The following IL20RB variants were observed in gnomAD, a reference collection of about 807,000 sequenced individuals.
The protein encoded by IL20RB is interleukin 20 receptor subunit beta.
In IL20RB, 21 loss-of-function variants were observed where a neutral mutation model predicts 33.3. That is an observed-to-expected ratio of 0.63 (90% CI 0.45 to 0.91). The LOEUF (loss-of-function observed/expected upper bound fraction) is 0.91. Among genes scored for constraint, IL20RB ranks in the 40% least tolerant of loss-of-function variants. IL20RB has a pLI of 0.00. For synonymous variants in IL20RB, 147 were observed against 146.8 expected, an observed-to-expected ratio of 1.00 and a Z score of -0.01; for missense variants, 345 against 384.8, an observed-to-expected ratio of 0.90 and a Z score of 0.86.
At chr3:136,986,433 G>A (rs1941900698) in intron 3 of IL20RB, among the ~76,000 whole-genome samples, 1 of 152,126 alleles carries the variant, frequency 6.6e-6, no homozygotes. Context: ...ATGGAGATCA[G>A]AAGACCCAAT....
intron 3 of IL20RB, 146 bp from the exon 4 acceptor site, chr3:136,989,295 A>C (rs939555516): frequency 1.2e-6 from 1 of 833,376 alleles, no homozygotes; most frequent in African/African-American, 1.7e-5. Context: ...ATTTGTGTAC[A>C]TGTTTCCATG....
Position 136,982,946 on chromosome 3 carries a change from G to A in IL20RB, c.406+596G>A, listed in dbSNP as rs1457259953. Among the ~76,000 whole-genome samples, 3 of 152,242 alleles carry A rather than the reference G, an allele frequency of 2.0e-5. No homozygotes were observed. In the East Asian group the frequency reaches 5.8e-4, roughly 29 times the overall value. ...CACTGGTCATTGTATAAAAGGACAT[G>A]TGTGTTTGCGGAACAGGAGAGGCAA... On this transcript the variant is annotated intron_variant, in intron 3 of 6. Transcript: ENST00000329582.
chr3:137,008,147 G>GGTA (rs1932981765), intron 6 of IL20RB, among the ~76,000 whole-genome samples: 1 of 152,100 alleles, frequency 6.6e-6, no homozygotes. Flanking sequence ...CTGTAATGTA[G>GGTA]GTAGCAAGCA....
chr3:137,001,449 C>T (rs1942240722), intron 6 of IL20RB, among the ~76,000 whole-genome samples: 1 of 152,214 alleles, frequency 6.6e-6, no homozygotes, highest in Admixed American at 6.5e-5. Flanking sequence ...ATACTGCCAC[C>T]TCCCCTCTCT....
intron 3 of IL20RB, 92 bp from the exon 4 acceptor site, chr3:136,989,349 G>T: frequency 6.8e-7 from 1 of 1,469,608 alleles, no homozygotes; most frequent in East Asian, 2.3e-5. Flanking sequence ...TACGGAGACG[G>T]ACATATTTCC....
In IL20RB at chr3:136,997,960, G is replaced by A. The variant is rs1449097949; in HGVS notation, c.825+2404G>A. The stretch of plus-strand genomic sequence containing the variant: ...TAATTTTTGTATTTTAGTAGAGACA[G>A]GGTTTCACCATATTGATCAGGCTGG... On this transcript the variant is annotated intron_variant, in intron 6 of 6. Coordinates refer to ENST00000329582, the MANE Select transcript of IL20RB (RefSeq NM_144717.4). Among the ~76,000 whole-genome samples, 7 of 151,994 alleles carry A rather than the reference G, an allele frequency of 4.6e-5. No individual in the cohort carries two copies. In the East Asian group the frequency reaches 1.4e-3, roughly 29 times the overall value.
intron 6 of IL20RB, among the ~76,000 whole-genome samples, chr3:137,008,079 G>A (rs1298154791): frequency 1.3e-5 from 2 of 152,148 alleles, no homozygotes; most frequent in East Asian, 1.9e-4. Context: ...GTGCTGAAGG[G>A]TCTCAGTTTC....
chr3:136,978,647 G>A (rs1941687767), intron 1 of IL20RB, among the ~76,000 whole-genome samples: 1 of 152,150 alleles, frequency 6.6e-6, no homozygotes, highest in African/African-American at 2.4e-5. Flanking sequence ...ATGGTATATA[G>A]TTCTTTTTGT....
chr3:136,991,583 C>T (rs1942031082), intron 4 of IL20RB, among the ~76,000 whole-genome samples: 1 of 152,176 alleles, frequency 6.6e-6, no homozygotes, highest in Non-Finnish European at 1.5e-5. Flanking sequence ...TCCAGTCCTG[C>T]TGCCTTCTGG....
In IL20RB at chr3:136,982,311, G is replaced by T; in HGVS notation, c.367G>T (p.Ala123Ser). ...GGCCACATTGGGCTCACAGACCTCA[G>T]CCTGGAGCATCCTGAAGCATCCCTT... ...VRATLGSQTS[A>S]WSILKHPFNR... Residue 123 changes from alanine to serine, a missense_variant, in exon 3 of 7, where the codon GCC becomes TCC. Transcript: ENST00000329582. The T allele has an allele frequency of 3.1e-6, 5 of 1,607,084 alleles. No individual in the cohort carries two copies. The highest frequency in any genetic ancestry group is 4.3e-6 in the Non-Finnish European group (5 of 1,174,836).
intron 1 of IL20RB, among the ~76,000 whole-genome samples, chr3:136,962,866 CAAAAAA>C (rs34403415): frequency 1.8e-5 from 2 of 113,220 alleles, no homozygotes; most frequent in Admixed American, 9.1e-5. Context: ...GGATTTTGGC[CAAAAAA>C]AAAAAAAAAA....
chr3:136,963,692 T>TTA (rs141567339), intron 1 of IL20RB, among the ~76,000 whole-genome samples: 46,712 of 131,036 alleles, frequency 0.36, 7,121 homozygotes, highest in East Asian at 0.59. Context: ...TTTTTTTTTT[T>TTA]ATTTTTTTTT....
At chr3:136,987,715 G>A (rs946509522) in intron 3 of IL20RB, among the ~76,000 whole-genome samples, 7 of 152,218 alleles carry the variant, frequency 4.6e-5, no homozygotes, top group African/African-American at 1.7e-4. Context: ...GCGGGCTGCA[G>A]GTCCCGAGCC....
intron 6 of IL20RB, among the ~76,000 whole-genome samples, chr3:137,001,907 C>G (rs1942250739): frequency 6.6e-6 from 1 of 152,114 alleles, no homozygotes; most frequent in Non-Finnish European, 1.5e-5. Context: ...GGTATTTCTC[C>G]TAATGCTATC....
intron 6 of IL20RB, among the ~76,000 whole-genome samples, chr3:137,005,550 G>C (rs1346534796): frequency 6.6e-6 from 1 of 152,014 alleles, no homozygotes; most frequent in Non-Finnish European, 1.5e-5. Context: ...GATCTTTGTT[G>C]GTTTAACGTC....
At chr3:137,000,844 G>A (rs1243553121) in intron 6 of IL20RB, among the ~76,000 whole-genome samples, 3 of 152,082 alleles carry the variant, frequency 2.0e-5, no homozygotes, top group Non-Finnish European at 4.4e-5. Flanking sequence ...ACTCTTACAG[G>A]CAACTACACT....
chr3:136,969,664 G>A (rs1012060632), intron 1 of IL20RB, among the ~76,000 whole-genome samples: 3 of 151,900 alleles, frequency 2.0e-5, no homozygotes, highest in African/African-American at 4.8e-5. Context: ...CTTCTGCGTC[G>A]CTCACGCTGG....
chr3:136,989,370 C>A (rs185274246), intron 3 of IL20RB, 71 bp from the exon 4 acceptor site: 1 of 1,576,900 alleles, frequency 6.3e-7, no homozygotes, highest in African/African-American at 1.3e-5. Flanking sequence ...ATACATGACC[C>A]GGTCATTGTG....
intron 6 of IL20RB, among the ~76,000 whole-genome samples, chr3:137,003,826 G>C (rs1476039675): frequency 1.3e-5 from 2 of 152,000 alleles, no homozygotes; most frequent in Non-Finnish European, 2.9e-5. Flanking sequence ...GGTGAGAGAG[G>C]GCATCCTTGT....
Sources: allele counts gnomAD v4.1 joint callset (sites outside exome capture counted in the v4.1 genomes callset), GRCh38; gene constraint gnomAD v4.1.1; transcripts MANE v1.5; gene names NCBI Gene and HGNC (gene_info 2026-07-23, HGNC 2026-07-21).